KDM5A: variants seen among roughly 807,000 people sequenced by gnomAD.
KDM5A encodes lysine demethylase 5A.
A neutral mutation model predicts 193.5 loss-of-function variants in KDM5A; 42 were observed. The ratio of observed to expected loss-of-function variants is 0.22; its 90% CI spans 0.17 to 0.28. KDM5A has a LOEUF of 0.28. Ranked by LOEUF, KDM5A falls within the 10% of genes least tolerant of loss-of-function variation. The pLI, the probability that KDM5A is intolerant of heterozygous loss-of-function variation, is 1.00. For synonymous variants in KDM5A, 796 were observed against 718.1 expected, an observed-to-expected ratio of 1.11 and a Z score of -1.73; for missense variants, 1,692 against 2,055.1, an observed-to-expected ratio of 0.82 and a Z score of 3.42.
rs369093435 is a variant in KDM5A, at chr12:318,361, C to T, written c.2642G>A (p.Gly881Asp). The change falls in exon 19 of 28, where the codon GGC (glycine) becomes GAC (aspartate). Residue 881 changes from glycine to aspartate, a missense_variant. By Grantham distance (94) the Gly-to-Asp change is moderately conservative. Around this residue, in one of 11 missense-constraint regions of KDM5A, gnomAD observed 965 missense variants for 1,061.0 expected, o/e 0.91. Coordinates refer to ENST00000399788, the MANE Select transcript of KDM5A (RefSeq NM_001042603.3). The part of the protein sequence containing the change: ...SSKLQMLIDM[G>D]SSLYVELPEL... ...AGGGAGTTCCACATAGAGACTAGAG[C>T]CCATATCTATCAACATCTGGAGTTT... The T allele has an allele frequency of 6.2e-7, 1 of 1,613,966 alleles. No individual in the cohort carries two copies. Among genetic ancestry groups the T allele is most frequent in the African/African-American group, 1.3e-5 (1 of 74,916 alleles).
chr12:312,051 C>CA (rs1327460641), intron 20 of KDM5A, among the ~76,000 whole-genome samples: 5 of 152,224 alleles, frequency 3.3e-5, no homozygotes, highest in African/African-American at 1.2e-4. Flanking sequence ...AAGAACTTGA[C>CA]ACCCAGAATA....
rs112480607 is a variant in KDM5A, at chr12:352,130, A to C, written c.1149+75T>G. 2.8e-5 allele frequency: 21 copies of C among 737,086 alleles called. No homozygotes were observed. The African/African-American group carries it at 3.7e-4, about 13-fold the overall frequency. 45.7% of individuals were successfully genotyped at this position (737,086 alleles called of 1,614,324 possible). On this transcript the variant is annotated intron_variant, in intron 9 of 27. Transcript: ENST00000399788. Reference sequence around the variant, plus strand: ...AAAAAAAAAAAAAAAAAAAAAAAAAAGAGGAAACTGAAGGCTTTGTACTCA... The same window carrying C: ...AAAAAAAAAAAAAAAAAAAAAAAAACGAGGAAACTGAAGGCTTTGTACTCA...
chr12:356,601 C>A, intron 5 of KDM5A, 64 bp from the exon 6 acceptor site: 1 of 1,077,636 alleles, frequency 9.3e-7, no homozygotes, highest in Non-Finnish European at 1.4e-6. Context: ...TTTTTTTACC[C>A]AAGGAAAGTT....
Position 282,081 on chromosome 12 carries a change from C to T in KDM5A, c.*3375G>A. 1 of 327,948 alleles carries T rather than the reference C, an allele frequency of 3.0e-6. No individual in the cohort carries two copies. The highest frequency in any genetic ancestry group is 5.9e-6 in the Non-Finnish European group (1 of 169,958). The allele number at this position is 327,948 out of a possible 1,614,324, so 20.3% of individuals were successfully genotyped here. On this transcript the variant is annotated 3_prime_UTR_variant, in exon 28 of 28. Transcript: ENST00000399788. ...GAAGCAAAGCCCAGGCAGAACCATGCTAACCTTACAGCTCAGCCTGCACAG... is the reference window on the plus strand; with the variant it reads ...GAAGCAAAGCCCAGGCAGAACCATGTTAACCTTACAGCTCAGCCTGCACAG...
intron 1 of KDM5A, chr12:387,201 A>T (rs1944647557): frequency 2.8e-6 from 1 of 361,428 alleles, no homozygotes; most frequent in African/African-American, 2.3e-5. Flanking sequence ...AATAACAGTA[A>T]ACCTATTTTA....
chr12:352,470 A>G (rs1944175738), intron 8 of KDM5A, 146 bp from the exon 9 acceptor site: 3 of 721,102 alleles, frequency 4.2e-6, no homozygotes, highest in Non-Finnish European at 7.2e-6. Context: ...TCAGCTACTT[A>G]CAATACCGTA....
At chr12:296,262 C>T (rs999224138) in intron 25 of KDM5A, among the ~76,000 whole-genome samples, 2 of 148,644 alleles carry the variant, frequency 1.3e-5, no homozygotes, top group African/African-American at 5.0e-5. Context: ...GGGGAGGTTG[C>T]AGTGAGCCAA....
intron 3 of KDM5A, among the ~76,000 whole-genome samples, chr12:370,564 G>A (rs1296520800): frequency 6.6e-6 from 1 of 151,154 alleles, no homozygotes; most frequent in Non-Finnish European, 1.5e-5. Context: ...ATCAAAACTT[G>A]ACCAAAAAGT....
At chr12:334,494 C>G in intron 10 of KDM5A, 72 bp from the exon 11 acceptor site, 1 of 1,315,262 alleles carries the variant, frequency 7.6e-7, no homozygotes, top group Middle Eastern at 1.9e-4. Flanking sequence ...CCAAGGGAGT[C>G]TTCCCAGAAA....
intron 3 of KDM5A, among the ~76,000 whole-genome samples, chr12:379,794 T>C (rs1192711221): frequency 6.6e-6 from 1 of 152,208 alleles, no homozygotes; most frequent in Non-Finnish European, 1.5e-5. Context: ...ATAAGTTTTC[T>C]GAATATTTAA....
At chr12:344,890 T>C (rs893917302) in intron 10 of KDM5A, among the ~76,000 whole-genome samples, 6 of 152,126 alleles carry the variant, frequency 3.9e-5, no homozygotes, top group Non-Finnish European at 8.8e-5. Flanking sequence ...AACATCATAA[T>C]GACAGGATCA....
intron 12 of KDM5A, 112 bp downstream of exon 12, chr12:333,375 T>C: frequency 8.6e-7 from 1 of 1,158,476 alleles, no homozygotes; most frequent in Admixed American, 1.9e-5. Context: ...GCAATCATCG[T>C]GCCGCTGCAC....
intron 20 of KDM5A, among the ~76,000 whole-genome samples, chr12:312,155 T>C (rs866190006): frequency 3.2e-4 from 48 of 152,348 alleles, no homozygotes; most frequent in African/African-American, 1.0e-3. Flanking sequence ...ACACTGTAAG[T>C]GCTGCTTAAC....
In KDM5A at chr12:350,703, T is replaced by C. The variant is rs1202212622; in HGVS notation, c.1226A>G (p.Tyr409Cys). Residue 409 changes from tyrosine (Y) to cysteine (C), a missense_variant, in exon 10 of 28, where the codon TAT becomes TGT. This residue lies in a region of KDM5A where 172 missense variants were observed against 260.3 expected (regional missense o/e 0.66). Transcript: ENST00000399788. ...SSIEEDVIVEYGADISSKDFG... is the reference protein window; with the variant it reads ...SSIEEDVIVECGADISSKDFG... ...GTCTTTTGAGGAGATATCTGCTCCATATTCCACAATAACATCTTCTTCAAT... is the reference window on the plus strand; with the variant it reads ...GTCTTTTGAGGAGATATCTGCTCCACATTCCACAATAACATCTTCTTCAAT... The C allele has an allele frequency of 6.2e-7, 1 of 1,614,004 alleles. No individual in the cohort carries two copies. The highest frequency in any genetic ancestry group is 8.5e-7 in the Non-Finnish European group (1 of 1,179,906).
At chr12:385,181 GA>G (rs199833232) in intron 2 of KDM5A, among the ~76,000 whole-genome samples, 4,467 of 93,722 alleles carry the variant, frequency 0.048, 84 homozygotes, top group East Asian at 0.093. Flanking sequence ...AGACTCTCTG[GA>G]AAAAAAAAAA....
intron 26 of KDM5A, among the ~76,000 whole-genome samples, chr12:293,798 G>A (rs1345765222): frequency 2.3e-5 from 3 of 132,606 alleles, no homozygotes; most frequent in South Asian, 2.9e-4. Flanking sequence ...AGGGGGGGGG[G>A]GGGATTTATG....
At chr12:333,741 G>C in intron 11 of KDM5A, 92 bp from the exon 12 acceptor site, 1 of 1,199,434 alleles carries the variant, frequency 8.3e-7, no homozygotes, top group African/African-American at 1.5e-5. Context: ...TAATTAACTT[G>C]TCTTATTCCA....
At chr12:325,943 G>A (rs1286039946) in intron 14 of KDM5A, among the ~76,000 whole-genome samples, 1 of 152,166 alleles carries the variant, frequency 6.6e-6, no homozygotes, top group African/African-American at 2.4e-5. Flanking sequence ...GAACCCAGGG[G>A]GCAGAGGTTG....
At chr12:320,771 A>C (rs974139770) in intron 18 of KDM5A, among the ~76,000 whole-genome samples, 2 of 152,274 alleles carry the variant, frequency 1.3e-5, no homozygotes, top group South Asian at 4.1e-4. Flanking sequence ...AATATAGAAA[A>C]AAATAATTTC....
Sources: gnomAD v4.1 joint callset for allele counts (sites outside exome capture counted in the v4.1 genomes callset) on GRCh38, gnomAD v4.1.1 for gene constraint, gnomAD v4.1.1 regional missense constraint, MANE v1.5 for transcripts, NCBI Gene and HGNC (gene_info 2026-07-23, HGNC 2026-07-21) for gene names.